The following PRKCA variants were observed in gnomAD, a reference collection of about 807,000 sequenced individuals.
PRKCA encodes protein kinase C alpha, also known as protein kinase C alpha type.
PRKCA carries 27 observed loss-of-function variants against 87.0 expected under a neutral mutation model. That is an observed-to-expected ratio of 0.31 (90% CI 0.23 to 0.43). The LOEUF is 0.43. Among genes scored for constraint, PRKCA ranks in the 20% least tolerant of loss-of-function variants. The probability of loss-of-function intolerance (pLI) is 1.00; values close to 1 mark genes in which losing one functional copy is unlikely to be tolerated. For missense variants in PRKCA, 518 were observed against 852.3 expected (o/e 0.61, Z 4.88); for synonymous variants, 329 against 311.1 (o/e 1.06, Z -0.61).
chr17:66,551,440 T>TC (rs1410005750), intron 3 of PRKCA, among the ~76,000 whole-genome samples: 1 of 152,244 alleles, frequency 6.6e-6, no homozygotes, highest in African/African-American at 2.4e-5. Flanking sequence ...AGGGTTTAGT[T>TC]CCTTGCAAGC....
chr17:66,466,554 C>T (rs1236677977), intron 2 of PRKCA, among the ~76,000 whole-genome samples: 3 of 152,140 alleles, frequency 2.0e-5, no homozygotes, highest in Non-Finnish European at 4.4e-5. Flanking sequence ...GAAGAAACTT[C>T]TTGGCAAAAT....
chr17:66,768,094 C>T (rs1974849387), intron 13 of PRKCA, among the ~76,000 whole-genome samples: 1 of 152,124 alleles, frequency 6.6e-6, no homozygotes, highest in African/African-American at 2.4e-5. Flanking sequence ...CAGGTGTGTG[C>T]CACCGGACCC....
At chr17:66,335,490 A>G (rs1906605153) in intron 2 of PRKCA, among the ~76,000 whole-genome samples, 1 of 151,748 alleles carries the variant, frequency 6.6e-6, no homozygotes, top group Admixed American at 6.6e-5. Context: ...CTGCGGATGG[A>G]TGATGATGAT....
chr17:66,649,703 C>T (rs564464073), intron 5 of PRKCA, among the ~76,000 whole-genome samples: 1 of 152,274 alleles, frequency 6.6e-6, no homozygotes, highest in Admixed American at 6.5e-5. Flanking sequence ...AATCAGCACC[C>T]CACAAAGTTT....
At chr17:66,700,529 CAT>C (rs541777362) in intron 8 of PRKCA, among the ~76,000 whole-genome samples, 1 of 151,292 alleles carries the variant, frequency 6.6e-6, no homozygotes, top group African/African-American at 2.4e-5. Flanking sequence ...ATGACATGAT[CAT>C]ATATATATAT....
chr17:66,663,375 GC>G, intron 5 of PRKCA, among the ~76,000 whole-genome samples: 1 of 152,358 alleles, frequency 6.6e-6, no homozygotes, highest in East Asian at 1.9e-4. Flanking sequence ...ATTAGCAGCT[GC>G]CTGGGAGCCA....
intron 8 of PRKCA, among the ~76,000 whole-genome samples, chr17:66,691,130 G>A (rs1342747675): frequency 6.6e-6 from 1 of 152,178 alleles, no homozygotes; most frequent in African/African-American, 2.4e-5. Flanking sequence ...AACAAAGTGA[G>A]ACCCTGACTC....
At chr17:66,542,082 C>A (rs1434477009) in intron 3 of PRKCA, among the ~76,000 whole-genome samples, 1 of 152,166 alleles carries the variant, frequency 6.6e-6, no homozygotes, top group South Asian at 2.1e-4. Context: ...GGGAGAAAGT[C>A]ATTTCATGCT....
At chr17:66,771,768 G>A (rs962237582) in intron 13 of PRKCA, among the ~76,000 whole-genome samples, 2 of 151,938 alleles carry the variant, frequency 1.3e-5, no homozygotes, top group African/African-American at 2.4e-5. Flanking sequence ...GCTAATTTTT[G>A]TATTTATAGT....
At chr17:66,472,829 A>G (rs559015577) in intron 2 of PRKCA, among the ~76,000 whole-genome samples, 1 of 152,162 alleles carries the variant, frequency 6.6e-6, no homozygotes, top group Admixed American at 6.5e-5. Flanking sequence ...ATTTTCAGAG[A>G]AATCAGTGCC....
At chr17:66,559,321 A>G (rs2143286507) in intron 3 of PRKCA, among the ~76,000 whole-genome samples, 1 of 151,770 alleles carries the variant, frequency 6.6e-6, no homozygotes, top group South Asian at 2.1e-4. Context: ...AAATACAAAA[A>G]AAAAATGAGC....
At chr17:66,582,137 A>G (rs1167563084) in intron 3 of PRKCA, among the ~76,000 whole-genome samples, 2 of 152,128 alleles carry the variant, frequency 1.3e-5, no homozygotes, top group Non-Finnish European at 2.9e-5. Flanking sequence ...TGTATACACT[A>G]TGGCCAGCAT....
chr17:66,405,836 C>T (rs1911339626), intron 2 of PRKCA, among the ~76,000 whole-genome samples: 1 of 152,016 alleles, frequency 6.6e-6, no homozygotes, highest in Non-Finnish European at 1.5e-5. Context: ...AAAAGTCAAG[C>T]ATTTTGGTAG....
chr17:66,536,617 G>A (rs374806123), intron 3 of PRKCA, among the ~76,000 whole-genome samples: 2 of 152,194 alleles, frequency 1.3e-5, no homozygotes, highest in Non-Finnish European at 2.9e-5. Context: ...TGCAGAAGGG[G>A]GGATGCTGCT....
rs1968723251 is a variant in PRKCA, at chr17:66,562,152, AATTAT to A, written c.288+65872_288+65876del. Among the ~76,000 whole-genome samples, 5 of 52,052 alleles carry A rather than the reference AATTAT, an allele frequency of 9.6e-5. No individual in the cohort carries two copies. The South Asian group carries it at 1.9e-3, about 20-fold the overall frequency. The allele number at this position is 52,052 out of a possible 152,430, so 34.1% of individuals were successfully genotyped here. On this transcript the variant is annotated intron_variant, in intron 3 of 16. Transcript: ENST00000413366. ...TATAATTAAATTATATATATAATTA[AATTAT>A]ATATATAATTAAATATATATAATTA...
chr17:66,450,240 G>C (rs1457169739), intron 2 of PRKCA, among the ~76,000 whole-genome samples: 1 of 152,110 alleles, frequency 6.6e-6, no homozygotes, highest in Non-Finnish European at 1.5e-5. Flanking sequence ...GCAGAGCCAA[G>C]TTCACAGGAC....
At chr17:66,613,586 TGCC>T (rs1302802947) in intron 3 of PRKCA, among the ~76,000 whole-genome samples, 2 of 152,100 alleles carry the variant, frequency 1.3e-5, no homozygotes, top group African/African-American at 4.8e-5. Flanking sequence ...AATCCTTCCT[TGCC>T]TCTTCCTGGC....
Position 66,498,130 on chromosome 17 carries a change from C to G in PRKCA, c.288+1847C>G, listed in dbSNP as rs12453130. 7.0e-3 allele frequency among the ~76,000 whole-genome samples: 1,071 copies of G among 152,212 alleles called. 32 individuals carry two copies. The highest frequency in any genetic ancestry group is 0.043 in the Admixed American group (655 of 15,286). Reference sequence around the variant, plus strand: ...TTAGTGTCATTCCCCTGCCCTCCCCCCTGCTCCCCGCCTCCTGCCCCCTGC... The same window carrying G: ...TTAGTGTCATTCCCCTGCCCTCCCCGCTGCTCCCCGCCTCCTGCCCCCTGC... On this transcript the variant is annotated intron_variant, in intron 3 of 16. Transcript: ENST00000413366.
chr17:66,499,440 AACAT>A (rs1472464974), intron 3 of PRKCA, among the ~76,000 whole-genome samples: 1 of 152,234 alleles, frequency 6.6e-6, no homozygotes, highest in African/African-American at 2.4e-5. Context: ...ATAAGTAGGT[AACAT>A]ACAGTTTGTA....
Sources: allele counts gnomAD v4.1 joint callset (sites outside exome capture counted in the v4.1 genomes callset), GRCh38; gene constraint gnomAD v4.1.1; transcripts MANE v1.5; gene names NCBI Gene and HGNC (gene_info 2026-07-23, HGNC 2026-07-21).